Variants in GPC3 observed in about 807,000 individuals in gnomAD.
GPC3 encodes the protein glypican 3.
In GPC3, 3 loss-of-function variants were observed where a neutral mutation model predicts 34.4. That is an observed-to-expected ratio of 0.09 (90% CI 0.04 to 0.23). The LOEUF is 0.23. Ranked by LOEUF, GPC3 falls within the 10% of genes least tolerant of loss-of-function variation. GPC3 has a pLI of 1.00. For synonymous variants in GPC3, 177 were observed against 174.0 expected (o/e 1.02, Z -0.13); for missense variants, 351 against 445.6 (o/e 0.79, Z 1.91).
chrX:133,656,097 T>C lies in GPC3; in HGVS notation c.1413+5633A>G, dbSNP rs763025974. ...ACTAACAGAAAGTTCTTCTGCTATTTATAACTCAAACTCATGCCACAAAGT... is the reference window on the plus strand; with the variant it reads ...ACTAACAGAAAGTTCTTCTGCTATTCATAACTCAAACTCATGCCACAAAGT... On this transcript the variant is annotated intron_variant, in intron 6 of 7. Transcript: ENST00000370818. 8.9e-5 allele frequency among the ~76,000 whole-genome samples: 10 copies of C among 111,990 alleles called. No individual in the cohort carries two copies. The East Asian group carries it at 2.2e-3, about 25-fold the overall frequency.
At chrX:133,587,820 ATATTT>A (rs1417500002) in intron 7 of GPC3, among the ~76,000 whole-genome samples, 3 of 111,905 alleles carry the variant, frequency 2.7e-5, no homozygotes, top group Non-Finnish European at 5.6e-5. Flanking sequence ...AGGTCAGGAA[ATATTT>A]TATCACCATT....
At chrX:133,782,174 T>A (rs1361459029) in intron 2 of GPC3, among the ~76,000 whole-genome samples, 1 of 111,355 alleles carries the variant, frequency 9.0e-6, no homozygotes, top group Non-Finnish European at 1.9e-5. Context: ...GACAGAGTGC[T>A]AACCCTAAAC....
intron 6 of GPC3, among the ~76,000 whole-genome samples, chrX:133,632,288 C>T (rs2070375546): frequency 9.1e-6 from 1 of 110,103 alleles, no homozygotes; most frequent in Non-Finnish European, 1.9e-5. Flanking sequence ...TTAGTAAAAA[C>T]GGGGTTTCGC....
intron 3 of GPC3, among the ~76,000 whole-genome samples, chrX:133,702,591 C>T (rs1002649203): frequency 9.0e-6 from 1 of 111,325 alleles, no homozygotes; most frequent in Non-Finnish European, 1.9e-5. Context: ...TTTTAACCCC[C>T]TCCCCCCTCA....
chrX:133,785,606 G>A (rs2072093672), intron 2 of GPC3, among the ~76,000 whole-genome samples: 1 of 112,047 alleles, frequency 8.9e-6, no homozygotes, highest in Admixed American at 9.5e-5. Flanking sequence ...TGCCTATTGT[G>A]TGCCAGGTAC....
chrX:133,685,765 T>G (rs1465105690), intron 5 of GPC3, among the ~76,000 whole-genome samples: 1 of 108,448 alleles, frequency 9.2e-6, no homozygotes, highest in Non-Finnish European at 1.9e-5. Flanking sequence ...TAGTTTTTTT[T>G]TTTTTTTTTT....
At chrX:133,928,803 T>C (rs928740727) in intron 2 of GPC3, among the ~76,000 whole-genome samples, 1 of 112,111 alleles carries the variant, frequency 8.9e-6, no homozygotes, top group Non-Finnish European at 1.9e-5. Flanking sequence ...TCCTATTGAG[T>C]TGTATGAGTT....
At chrX:133,980,386 A>G (rs762608108) in intron 1 of GPC3, among the ~76,000 whole-genome samples, 2 of 112,364 alleles carry the variant, frequency 1.8e-5, no homozygotes, top group Non-Finnish European at 3.8e-5. Context: ...AAAGTATGTG[A>G]GAGTTCATAG....
chrX:133,886,866 G>A (rs1010200758), intron 2 of GPC3, among the ~76,000 whole-genome samples: 1 of 112,590 alleles, frequency 8.9e-6, no homozygotes, highest in African/African-American at 3.2e-5. Context: ...TATTTAGGTC[G>A]ATTCCATATC....
chrX:133,657,059 A>G (rs2070670757), intron 6 of GPC3, among the ~76,000 whole-genome samples: 2 of 112,116 alleles, frequency 1.8e-5, no homozygotes, highest in African/African-American at 6.5e-5. Context: ...GACTTTATCT[A>G]ACTTTGAATG....
At chrX:133,576,581 T>A (rs1328840884) in intron 7 of GPC3, among the ~76,000 whole-genome samples, 1 of 111,054 alleles carries the variant, frequency 9.0e-6, no homozygotes, top group Non-Finnish European at 1.9e-5. Flanking sequence ...GGCAAGTTAT[T>A]TAATTTAACT....
intron 1 of GPC3, among the ~76,000 whole-genome samples, chrX:133,973,092 G>C (rs1473303321): frequency 2.7e-5 from 3 of 111,297 alleles, no homozygotes; most frequent in Non-Finnish European, 5.6e-5. Flanking sequence ...AGGAGGAAGA[G>C]GGCAAACAAG....
intron 6 of GPC3, among the ~76,000 whole-genome samples, chrX:133,634,199 T>TA (rs1201568707): frequency 1.8e-5 from 2 of 111,680 alleles, no homozygotes; most frequent in Non-Finnish European, 3.8e-5. Context: ...AGGATATGGA[T>TA]AAAAAGAACC....
At chrX:133,657,869 T>A (rs1382719032) in intron 6 of GPC3, among the ~76,000 whole-genome samples, 1 of 107,518 alleles carries the variant, frequency 9.3e-6, no homozygotes, top group Non-Finnish European at 1.9e-5. Context: ...CTATAGTTCA[T>A]CTGGATGGAC....
chrX:133,652,243 T>C (rs2070611963), intron 6 of GPC3, among the ~76,000 whole-genome samples: 1 of 111,949 alleles, frequency 8.9e-6, no homozygotes, highest in Admixed American at 9.5e-5. Flanking sequence ...ACCATAAGAA[T>C]CCTCAGTGGC....
intron 2 of GPC3, among the ~76,000 whole-genome samples, chrX:133,875,036 G>A (rs780571490): frequency 5.9e-4 from 66 of 112,037 alleles, no homozygotes; most frequent in African/African-American, 2.1e-3. Context: ...CATATGAAGG[G>A]CTCATACATG....
At chrX:133,889,831 CTTT>C (rs781203121) in intron 2 of GPC3, among the ~76,000 whole-genome samples, 16 of 75,800 alleles carry the variant, frequency 2.1e-4, no homozygotes, top group Admixed American at 8.9e-4. Context: ...TTCTAGCCTT[CTTT>C]TTTTTTTTTT....
In GPC3 at chrX:133,798,733, C is replaced by G. The variant is rs142059930; in HGVS notation, c.338-44557G>C. Among the ~76,000 whole-genome samples, 510 of 112,247 alleles carry G rather than the reference C, an allele frequency of 4.5e-3. 1 individual carries two copies. The highest frequency in any genetic ancestry group is 0.015 in the African/African-American group (478 of 30,890). On this transcript the variant is annotated intron_variant, in intron 2 of 7. Transcript: ENST00000370818. ...ATTCCTTTGAGCACTGCACCCTTTG[C>G]CTGCTATCTTCTTTTAGAAGGCAAA...
At chrX:133,806,612 T>A (rs183339847) in intron 2 of GPC3, among the ~76,000 whole-genome samples, 198 of 110,889 alleles carry the variant, frequency 1.8e-3, no homozygotes, top group African/African-American at 5.8e-3. Flanking sequence ...TTAATTTATT[T>A]ATTTATTTAT....
Sources: allele counts gnomAD v4.1 joint callset (sites outside exome capture counted in the v4.1 genomes callset), GRCh38; gene constraint gnomAD v4.1.1; transcripts MANE v1.5; gene names NCBI Gene and HGNC (gene_info 2026-07-23, HGNC 2026-07-21).